CSMD1: variants seen among roughly 807,000 people sequenced by gnomAD.
CSMD1 encodes the protein CUB and sushi domain-containing protein 1.
A neutral mutation model predicts 417.5 loss-of-function variants in CSMD1; 213 were observed. The observed-to-expected ratio is 0.51, with a 90% CI of 0.46 to 0.57. The LOEUF (loss-of-function observed/expected upper bound fraction) is 0.57, where lower values mean the gene tolerates loss of function less well. Among genes scored for constraint, CSMD1 ranks in the 20% least tolerant of loss-of-function variants. CSMD1 has a pLI of 0.00. For synonymous variants in CSMD1, 2,862 were observed against 1,736.8 expected (o/e 1.65, Z -16.11); for missense variants, 6,923 against 4,529.7 (o/e 1.53, Z -15.17).
At chr8:4,676,567 G>C (rs892912097) in intron 1 of CSMD1, among the ~76,000 whole-genome samples, 37 of 152,232 alleles carry the variant, frequency 2.4e-4, no homozygotes, top group African/African-American at 8.2e-4. Context: ...TTTAGCACAA[G>C]CTACCAGCTA....
chr8:3,586,409 G>C (rs1340623829), intron 8 of CSMD1, 149 bp from the exon 9 acceptor site: 8 of 645,830 alleles, frequency 1.2e-5, no homozygotes, highest in African/African-American at 9.3e-5. Flanking sequence ...AGTATGTATA[G>C]AGGCAACCCT....
intron 2 of CSMD1, among the ~76,000 whole-genome samples, chr8:4,633,879 A>T (rs1254344026): frequency 1.3e-5 from 2 of 152,102 alleles, no homozygotes; most frequent in African/African-American, 4.8e-5. Flanking sequence ...GTTAAAAAAT[A>T]AGCATTTTGG....
chr8:4,267,525 C>A (rs996048966), intron 3 of CSMD1, among the ~76,000 whole-genome samples: 75 of 151,776 alleles, frequency 4.9e-4, no homozygotes, highest in African/African-American at 1.7e-3. Flanking sequence ...TTGATCCCAG[C>A]TACACTGCAA....
chr8:4,920,962 G>GA (rs770899109), intron 1 of CSMD1, among the ~76,000 whole-genome samples: 4 of 13,136 alleles, frequency 3.0e-4, no homozygotes, highest in African/African-American at 1.2e-3. Context: ...AAGAAAGAAA[G>GA]AAAGAAAGAA....
rs942869562 is a variant in CSMD1 at position 4,041,922 on chromosome 8, G to C, written c.416-9823C>G. ...AGATATAGCAGAAGGTAACATTAATGAACATGTAGAGATAGCAAGATAAAG... is the reference window on the plus strand; with the variant it reads ...AGATATAGCAGAAGGTAACATTAATCAACATGTAGAGATAGCAAGATAAAG... On this transcript the variant is annotated intron_variant, in intron 3 of 69. Transcript: ENST00000635120. Among the ~76,000 whole-genome samples the C allele has an allele frequency of 2.6e-5, 4 of 152,186 alleles. No individual in the cohort carries two copies. In the South Asian group the frequency reaches 6.2e-4, roughly 24 times the overall value.
chr8:4,233,209 T>TTTTTTC (rs541400643), intron 3 of CSMD1, among the ~76,000 whole-genome samples: 39 of 151,716 alleles, frequency 2.6e-4, no homozygotes, highest in African/African-American at 5.4e-4. Flanking sequence ...TTTTCTTCAA[T>TTTTTTC]TTTTTCTTTT....
chr8:4,277,867 C>T (rs1000896180), intron 3 of CSMD1, among the ~76,000 whole-genome samples: 4 of 152,124 alleles, frequency 2.6e-5, no homozygotes, highest in Non-Finnish European at 4.4e-5. Flanking sequence ...CCTGCCTCAG[C>T]CTCCCGAGTA....
intron 2 of CSMD1, among the ~76,000 whole-genome samples, chr8:4,600,993 G>T (rs962841737): frequency 1.5e-5 from 2 of 134,616 alleles, no homozygotes; most frequent in Admixed American, 1.7e-4. Flanking sequence ...TTTTGCTCTC[G>T]TCACCCAGGC....
At chr8:3,685,895 G>A (rs372105646) in intron 7 of CSMD1, among the ~76,000 whole-genome samples, 14 of 152,008 alleles carry the variant, frequency 9.2e-5, no homozygotes, top group East Asian at 3.9e-4. Context: ...TTTATTGTTC[G>A]TGTTACAAAC....
intron 6 of CSMD1, among the ~76,000 whole-genome samples, chr8:3,747,551 G>A (rs1378474696): frequency 2.6e-5 from 4 of 151,082 alleles, no homozygotes; most frequent in Non-Finnish European, 4.4e-5. Context: ...GTCGTTACAT[G>A]TAGAGGCAGT....
At chr8:3,956,974 G>C (rs1221764091) in intron 5 of CSMD1, among the ~76,000 whole-genome samples, 1 of 150,650 alleles carries the variant, frequency 6.6e-6, no homozygotes, top group Non-Finnish European at 1.5e-5. Flanking sequence ...GGTTGGACCT[G>C]TTTTTCTTGT....
intron 2 of CSMD1, among the ~76,000 whole-genome samples, chr8:4,451,844 T>C (rs1165899493): frequency 6.6e-6 from 1 of 151,952 alleles, no homozygotes; most frequent in African/African-American, 2.4e-5. Context: ...TTTACGTAAT[T>C]CACTCATTTA....
At chr8:3,136,829 C>T (rs1818128909) in intron 41 of CSMD1, among the ~76,000 whole-genome samples, 1 of 152,132 alleles carries the variant, frequency 6.6e-6, no homozygotes, top group Non-Finnish European at 1.5e-5. Context: ...CTACAAAATC[C>T]AACATTACCA....
intron 12 of CSMD1, among the ~76,000 whole-genome samples, chr8:3,448,695 G>C (rs118108293): frequency 6.6e-6 from 1 of 152,114 alleles, no homozygotes; most frequent in African/African-American, 2.4e-5. Flanking sequence ...TTCAGGAACT[G>C]CAGCATCGAG....
At chr8:4,223,684 G>C (rs1801179836) in intron 3 of CSMD1, among the ~76,000 whole-genome samples, 3 of 152,180 alleles carry the variant, frequency 2.0e-5, no homozygotes, top group South Asian at 2.1e-4. Flanking sequence ...AAAATCATTT[G>C]ACTTCCAGAG....
chr8:3,298,115 A>G (rs1466106789), intron 25 of CSMD1, among the ~76,000 whole-genome samples: 1 of 152,208 alleles, frequency 6.6e-6, no homozygotes, highest in African/African-American at 2.4e-5. Flanking sequence ...AGTTCCTGAA[A>G]TTCTCTCATA....
At chr8:3,003,699 C>G (rs140072544) in intron 52 of CSMD1, among the ~76,000 whole-genome samples, 75 of 152,226 alleles carry the variant, frequency 4.9e-4, no homozygotes, top group African/African-American at 1.6e-3. Flanking sequence ...CGTGCAGAGT[C>G]CTGAGGGTGT....
At chr8:4,051,725 G>A (rs1349461067) in intron 3 of CSMD1, among the ~76,000 whole-genome samples, 2 of 152,160 alleles carry the variant, frequency 1.3e-5, no homozygotes, top group Non-Finnish European at 2.9e-5. Context: ...GGCAAGCAGG[G>A]ATTAAAGAAA....
At chr8:3,376,498 A>G (rs1467798641) in intron 18 of CSMD1, among the ~76,000 whole-genome samples, 1 of 152,096 alleles carries the variant, frequency 6.6e-6, no homozygotes, top group Non-Finnish European at 1.5e-5. Flanking sequence ...TAAAATATTC[A>G]TATTTATCAT....
Sources: allele counts gnomAD v4.1 joint callset (sites outside exome capture counted in the v4.1 genomes callset), GRCh38; gene constraint gnomAD v4.1.1; transcripts MANE v1.5; gene names NCBI Gene and HGNC (gene_info 2026-07-23, HGNC 2026-07-21).